Variants in PPEF1 observed in about 807,000 individuals in gnomAD.
PPEF1 encodes serine/threonine-protein phosphatase with EF-hands 1.
A neutral mutation model predicts 53.3 loss-of-function variants in PPEF1; 12 were observed. The observed-to-expected ratio is 0.23, with a 90% CI of 0.14 to 0.36. The LOEUF is 0.36. Ranked by LOEUF, PPEF1 falls within the 10% of genes least tolerant of loss-of-function variation. The pLI is 1.00. For synonymous variants in PPEF1, 165 were observed against 176.7 expected (o/e 0.93, Z 0.52); for missense variants, 334 against 490.4 (o/e 0.68, Z 3.01).
At chrX:18,733,110 G>A (rs1218069949) in intron 2 of PPEF1, among the ~76,000 whole-genome samples, 2 of 111,646 alleles carry the variant, frequency 1.8e-5, no homozygotes, top group East Asian at 5.6e-4. Context: ...GGACACTGAG[G>A]CAGGAGAATC....
At chrX:18,679,549 C>A (rs1422345181), upstream of PPEF1, among the ~76,000 whole-genome samples, 1 of 111,852 alleles carries the variant, frequency 8.9e-6, no homozygotes, top group Non-Finnish European at 1.9e-5. Context: ...GTCATCTCCC[C>A]AGCTACACTC....
chrX:18,819,139 A>C (rs1210970542), intron 13 of PPEF1, among the ~76,000 whole-genome samples: 1 of 111,846 alleles, frequency 8.9e-6, no homozygotes, highest in Admixed American at 9.6e-5. Context: ...ATCAAAAATT[A>C]CCAAACAAAC....
rs1295876564 is a variant in PPEF1, at chrX:18,821,803, G to GAA, written c.1502-2117_1502-2116dup. Among the ~76,000 whole-genome samples, 2 of 100,338 alleles carry GAA rather than the reference G, an allele frequency of 2.0e-5. 1 individual carries two copies. The highest frequency in any genetic ancestry group is 7.7e-5 in the African/African-American group (2 of 26,103). 87.1% of individuals were successfully genotyped at this position (100,338 alleles called of 115,157 possible). A position where few individuals can be genotyped will look rare whatever the true frequency, so the allele number is the denominator to read the frequency against. ...AGAGAGAGAGAGAGAGAGAGAGAGA[G>GAA]AAAACAAATAACCAGTGCAAGTGTA... is the stretch of plus-strand genomic sequence containing the variant. On this transcript the variant is annotated intron_variant, in intron 13 of 15. Transcript: ENST00000470157.
At chrX:18,739,756 G>A (rs1420537499) in intron 3 of PPEF1, among the ~76,000 whole-genome samples, 1 of 112,427 alleles carries the variant, frequency 8.9e-6, no homozygotes, top group African/African-American at 3.2e-5. Context: ...AGGCAGGCAG[G>A]CCTCCTTGAG....
At chrX:18,815,955 C>T (rs2046902593) in intron 12 of PPEF1, among the ~76,000 whole-genome samples, 1 of 106,806 alleles carries the variant, frequency 9.4e-6, no homozygotes, top group South Asian at 4.3e-4. Flanking sequence ...GGCTGGAGTG[C>T]AATGGCGTGA....
At chrX:18,682,530 G>C (rs1398573264), upstream of PPEF1, among the ~76,000 whole-genome samples, 1 of 111,735 alleles carries the variant, frequency 8.9e-6, no homozygotes, top group Non-Finnish European at 1.9e-5. Context: ...CGGACACCAA[G>C]GGATCCCAGC....
chrX:18,765,402 T>A (rs1388544145), intron 6 of PPEF1, among the ~76,000 whole-genome samples: 1 of 111,651 alleles, frequency 9.0e-6, no homozygotes, highest in Non-Finnish European at 1.9e-5. Flanking sequence ...GGACTATAGG[T>A]AATAAAATTG....
intron 3 of PPEF1, among the ~76,000 whole-genome samples, chrX:18,746,167 G>A (rs1327076164): frequency 1.8e-5 from 2 of 111,782 alleles, no homozygotes; most frequent in Non-Finnish European, 3.8e-5. Context: ...AAACCAAATA[G>A]GTAAGGATTA....
At position 18,773,743 on chromosome X, in the gene PPEF1, C is replaced by T. The variant is rs997042802; in HGVS notation, c.559-5267C>T. Among the ~76,000 whole-genome samples the T allele has an allele frequency of 2.7e-5, 3 of 111,681 alleles. No homozygotes were observed. The Admixed American group carries it at 2.9e-4, about 11-fold the overall frequency. ...GTATATGTGTGTATTTCTCAAATAG[C>T]TATAACTTTATTCTTCCACTGCAGT... On this transcript the variant is annotated intron_variant, in intron 6 of 15. Transcript: ENST00000470157.
At chrX:18,721,563 C>T (rs1455716581) in intron 1 of PPEF1, among the ~76,000 whole-genome samples, 4 of 111,198 alleles carry the variant, frequency 3.6e-5, no homozygotes, top group Admixed American at 1.9e-4. Context: ...AGAGATCACA[C>T]AGTCCAAAGT....
At chrX:18,733,719 A>G in intron 2 of PPEF1, 29 bp from the exon 3 acceptor site, 1 of 1,138,882 alleles carries the variant, frequency 8.8e-7, no homozygotes, top group African/African-American at 1.8e-5. Flanking sequence ...GGGTTCACTA[A>G]TTGATTAATT....
intron 1 of PPEF1, among the ~76,000 whole-genome samples, chrX:18,709,745 G>A (rs184889251): frequency 4.1e-4 from 46 of 111,038 alleles, no homozygotes; most frequent in East Asian, 2.3e-3. Flanking sequence ...TGATCTGCCC[G>A]CCTCGGCCTC....
chrX:18,745,149 A>ATATATATATATATTATAAT (rs2147443426), intron 3 of PPEF1, among the ~76,000 whole-genome samples: 1 of 94,935 alleles, frequency 1.1e-5, no homozygotes, highest in African/African-American at 3.9e-5. Flanking sequence ...TATATATATT[A>ATATATATATATATTATAAT]TATATTATAA....
At chrX:18,724,090 G>A (rs1038979919) in intron 1 of PPEF1, among the ~76,000 whole-genome samples, 1 of 111,609 alleles carries the variant, frequency 9.0e-6, no homozygotes. Context: ...GCCTGGCCCC[G>A]TCTCATTTTT....
intron 10 of PPEF1, among the ~76,000 whole-genome samples, chrX:18,797,892 C>T (rs759332370): frequency 2.5e-3 from 276 of 109,324 alleles, no homozygotes; most frequent in African/African-American, 8.8e-3. Flanking sequence ...TTAGTAGAGA[C>T]GGGGTTTCAC....
chrX:18,798,375 G>T (rs1274844770), intron 10 of PPEF1, among the ~76,000 whole-genome samples: 2 of 111,813 alleles, frequency 1.8e-5, no homozygotes, highest in African/African-American at 3.2e-5. Flanking sequence ...CATTGAGGAG[G>T]CTCCCAAGAG....
intron 13 of PPEF1, among the ~76,000 whole-genome samples, chrX:18,822,618 C>A (rs754508094): frequency 9.1e-6 from 1 of 110,119 alleles, no homozygotes; most frequent in East Asian, 2.8e-4. Flanking sequence ...ATGCCATTCT[C>A]CTGCCTCAGC....
At chrX:18,820,532 T>C (rs1170113052) in intron 13 of PPEF1, among the ~76,000 whole-genome samples, 6 of 110,351 alleles carry the variant, frequency 5.4e-5, no homozygotes, top group Non-Finnish European at 7.6e-5. Context: ...ACTACAGGCG[T>C]GTGCCACCAC....
At chrX:18,758,342 G>A (rs142928721) in intron 5 of PPEF1, among the ~76,000 whole-genome samples, 2 of 112,183 alleles carry the variant, frequency 1.8e-5, no homozygotes, top group East Asian at 2.8e-4. Flanking sequence ...GCTTGCAACC[G>A]TTTGACAGTG....
Sources: gnomAD v4.1 joint callset for allele counts (sites outside exome capture counted in the v4.1 genomes callset) on GRCh38, gnomAD v4.1.1 for gene constraint, MANE v1.5 for transcripts, NCBI Gene and HGNC (gene_info 2026-07-23, HGNC 2026-07-21) for gene names.